CDK14: variants seen among roughly 807,000 people sequenced by gnomAD.
CDK14 encodes cyclin dependent kinase 14.
CDK14 carries 34 observed loss-of-function variants against 60.7 expected under a neutral mutation model. The ratio of observed to expected loss-of-function variants is 0.56; its 90% confidence interval spans 0.43 to 0.75. The LOEUF (loss-of-function observed/expected upper bound fraction) is 0.75. CDK14 is among the 30% of genes least tolerant of loss of function. The pLI is 0.00. For missense variants in CDK14, 482 were observed against 564.1 expected, an observed-to-expected ratio of 0.85 and a Z score of 1.47; for synonymous variants, 197 against 203.7, an observed-to-expected ratio of 0.97 and a Z score of 0.28.
At chr7:91,165,373 G>A (rs927336245) in intron 14 of CDK14, among the ~76,000 whole-genome samples, 2 of 152,156 alleles carry the variant, frequency 1.3e-5, no homozygotes, top group African/African-American at 2.4e-5. Context: ...AATGAGCACC[G>A]TGTTAGGAGT....
intron 10 of CDK14, among the ~76,000 whole-genome samples, chr7:90,989,246 A>G (rs1247762208): frequency 6.6e-6 from 1 of 152,178 alleles, no homozygotes; most frequent in Non-Finnish European, 1.5e-5. Flanking sequence ...GAAGCCTTGT[A>G]GAATGTAAGG....
chr7:91,088,989 C>T (rs1328832739), intron 12 of CDK14, among the ~76,000 whole-genome samples: 1 of 151,984 alleles, frequency 6.6e-6, no homozygotes, highest in Non-Finnish European at 1.5e-5. Flanking sequence ...GCAAAAGAAT[C>T]GATTTGAAGT....
At chr7:91,053,924 C>T (rs1039021755) in intron 11 of CDK14, among the ~76,000 whole-genome samples, 1 of 152,074 alleles carries the variant, frequency 6.6e-6, no homozygotes, top group Non-Finnish European at 1.5e-5. Flanking sequence ...TCTGCTCCAT[C>T]CAGCCTACAG....
At chr7:90,757,607 T>G (rs6963957) in intron 4 of CDK14, among the ~76,000 whole-genome samples, 11,217 of 151,976 alleles carry the variant, frequency 0.074, 509 homozygotes, top group South Asian at 0.11. Context: ...TTTTTTTTTT[T>G]TTTGTTTGAG....
intron 6 of CDK14, among the ~76,000 whole-genome samples, chr7:90,869,385 G>T (rs1791294555): frequency 6.6e-6 from 1 of 152,210 alleles, no homozygotes; most frequent in Non-Finnish European, 1.5e-5. Context: ...GAACAGCAGG[G>T]CTGTGGCTTG....
chr7:90,710,305 C>T (rs1263071726), intron 2 of CDK14: 15 of 985,138 alleles, frequency 1.5e-5, no homozygotes, highest in Non-Finnish European at 1.8e-5. Context: ...TTATTTATTA[C>T]AGCTGAAAGA....
intron 2 of CDK14, among the ~76,000 whole-genome samples, chr7:90,698,897 C>G (rs1303191558): frequency 6.6e-6 from 1 of 152,158 alleles, no homozygotes; most frequent in African/African-American, 2.4e-5. Context: ...TACCCTGCAG[C>G]TTTGTAGTTA....
chr7:90,689,902 T>C (rs1801518710), intron 2 of CDK14, among the ~76,000 whole-genome samples: 1 of 152,194 alleles, frequency 6.6e-6, no homozygotes, highest in African/African-American at 2.4e-5. Flanking sequence ...GAAATCATTC[T>C]TTGATGATAT....
chr7:90,941,221 G>C lies in CDK14; in HGVS notation c.827-14476G>C, dbSNP rs34033115. ...TGGGAAGTGGCAGAGAAGGGCATGTGGGGAGGGTGCCTGGAAGCATGGATG... is the reference window on the plus strand; with the variant it reads ...TGGGAAGTGGCAGAGAAGGGCATGTCGGGAGGGTGCCTGGAAGCATGGATG... On this transcript the variant is annotated intron_variant, in intron 8 of 14. Coordinates refer to ENST00000380050, the MANE Select transcript of CDK14 (RefSeq NM_001287135.2). Among the ~76,000 whole-genome samples, 800 of 152,316 alleles carry C rather than the reference G, an allele frequency of 5.3e-3. 5 individuals carry two copies. Among genetic ancestry groups the C allele is most frequent in the South Asian group, 0.02 (98 of 4,828 alleles).
At chr7:90,990,789 G>T (rs972386501) in intron 10 of CDK14, among the ~76,000 whole-genome samples, 1 of 152,108 alleles carries the variant, frequency 6.6e-6, no homozygotes, top group African/African-American at 2.4e-5. Context: ...CCCAAATAGA[G>T]AAACTCCAAC....
At chr7:90,863,803 A>T (rs1791089361) in intron 6 of CDK14, among the ~76,000 whole-genome samples, 1 of 152,022 alleles carries the variant, frequency 6.6e-6, no homozygotes, top group Non-Finnish European at 1.5e-5. Flanking sequence ...CATAGTACAC[A>T]ATGTAATGAT....
chr7:90,814,725 G>A (rs766516821), intron 5 of CDK14, among the ~76,000 whole-genome samples: 10 of 152,152 alleles, frequency 6.6e-5, no homozygotes, highest in East Asian at 1.9e-4. Context: ...GCAGTGAGCC[G>A]AGATTGTGCC....
intron 10 of CDK14, among the ~76,000 whole-genome samples, chr7:91,013,656 G>GTTTTTTTTTTTTTTTTTTTT (rs56934476): frequency 5.7e-5 from 7 of 123,386 alleles, no homozygotes; most frequent in Non-Finnish European, 6.7e-5. Context: ...CATTGCCTCT[G>GTTTTTTTTTTTTTTTTTTTT]TTTTTTTTTT....
intron 4 of CDK14, among the ~76,000 whole-genome samples, chr7:90,764,235 C>T (rs1355659038): frequency 6.6e-6 from 1 of 152,184 alleles, no homozygotes; most frequent in Non-Finnish European, 1.5e-5. Flanking sequence ...GGCAATTAGA[C>T]ATGATTTTTG....
At chr7:91,162,192 C>T (rs2115749180) in intron 14 of CDK14, among the ~76,000 whole-genome samples, 1 of 152,296 alleles carries the variant, frequency 6.6e-6, no homozygotes, top group African/African-American at 2.4e-5. Context: ...CACATGGAAA[C>T]ATTAGATTAC....
chr7:91,025,276 A>G (rs1330557505), intron 10 of CDK14, among the ~76,000 whole-genome samples: 3 of 152,080 alleles, frequency 2.0e-5, no homozygotes. Context: ...CTGACCTCCT[A>G]AGTCTAAAAT....
At chr7:91,171,348 TA>T (rs914193516) in intron 14 of CDK14, among the ~76,000 whole-genome samples, 1 of 151,822 alleles carries the variant, frequency 6.6e-6, no homozygotes, top group Non-Finnish European at 1.5e-5. Context: ...ACACTGCATC[TA>T]AAAAAAATTA....
chr7:90,709,650 G>T (rs1449993565), intron 2 of CDK14: 3 of 1,601,470 alleles, frequency 1.9e-6, no homozygotes, highest in Admixed American at 3.4e-5. Context: ...TAGATTTTTT[G>T]GAGAAAATAA....
chr7:90,781,633 G>A (rs1029452671), intron 4 of CDK14, among the ~76,000 whole-genome samples: 11 of 151,102 alleles, frequency 7.3e-5, no homozygotes, highest in Admixed American at 4.0e-4. Flanking sequence ...CTTTCTACAT[G>A]TGGCTAGCCA....
Sources: gnomAD v4.1 joint callset for allele counts (sites outside exome capture counted in the v4.1 genomes callset) on GRCh38, gnomAD v4.1.1 for gene constraint, MANE v1.5 for transcripts, NCBI Gene and HGNC (gene_info 2026-07-23, HGNC 2026-07-21) for gene names.